Variants in BMPR1A observed in about 807,000 individuals in gnomAD.
BMPR1A encodes bone morphogenetic protein receptor type 1A, also known as bone morphogenetic protein receptor type-1A.
A neutral mutation model predicts 66.0 loss-of-function variants in BMPR1A; 7 were observed. The observed-to-expected ratio is 0.11, with a 90% confidence interval of 0.06 to 0.20. The LOEUF (loss-of-function observed/expected upper bound fraction) is 0.20, where lower values mean the gene tolerates loss of function less well. BMPR1A is among the 10% of genes least tolerant of loss of function. The pLI is 1.00. For missense variants in BMPR1A, 408 were observed against 669.1 expected (o/e 0.61, Z 4.31); for synonymous variants, 200 against 229.7 (o/e 0.87, Z 1.17).
At chr10:86,767,611 G>C (rs1236571850) in intron 1 of BMPR1A, among the ~76,000 whole-genome samples, 3 of 152,122 alleles carry the variant, frequency 2.0e-5, no homozygotes, top group Non-Finnish European at 4.4e-5. Context: ...CCAGGAGTTC[G>C]AGACTGCAGT....
At chr10:86,903,290 T>C (rs904837164) in intron 7 of BMPR1A, among the ~76,000 whole-genome samples, 15 of 152,196 alleles carry the variant, frequency 9.9e-5, no homozygotes, top group African/African-American at 3.6e-4. Context: ...AAAATAGTTA[T>C]TATAACTGTA....
chr10:86,827,381 T>G (rs1436419097), intron 1 of BMPR1A, among the ~76,000 whole-genome samples: 2 of 152,232 alleles, frequency 1.3e-5, no homozygotes, highest in Non-Finnish European at 2.9e-5. Flanking sequence ...CTATTTGATA[T>G]AATATTCCAA....
At chr10:86,855,457 A>G (rs1270673866) in intron 2 of BMPR1A, 2 of 601,510 alleles carry the variant, frequency 3.3e-6, no homozygotes, top group Non-Finnish European at 6.0e-6. Flanking sequence ...GTTATTTCTG[A>G]CCTACTGTAT....
At chr10:86,931,440 A>G (rs1419637322), downstream of BMPR1A, 2 of 136,136 alleles carry the variant, frequency 1.5e-5, no homozygotes, top group Non-Finnish European at 3.0e-5. Flanking sequence ...AATGCAGGTC[A>G]GTGTTGAAAA....
intron 1 of BMPR1A, among the ~76,000 whole-genome samples, chr10:86,820,307 T>G (rs1475437138): frequency 2.0e-5 from 3 of 152,126 alleles, no homozygotes; most frequent in Non-Finnish European, 4.4e-5. Context: ...CCTCCCAAAG[T>G]GTTGGGATTA....
At chr10:86,876,908 A>C (rs916251275) in intron 3 of BMPR1A, among the ~76,000 whole-genome samples, 4 of 152,208 alleles carry the variant, frequency 2.6e-5, no homozygotes, top group Non-Finnish European at 5.9e-5. Flanking sequence ...TAATTTTGCT[A>C]CTATGTGTTC....
intron 1 of BMPR1A, among the ~76,000 whole-genome samples, chr10:86,790,175 AAAAAAAAAAAAAAATATATATATATAT>A (rs1841582862): frequency 2.4e-5 from 1 of 41,118 alleles, no homozygotes; most frequent in African/African-American, 1.1e-4. Context: ...AAAAAAAAAA[AAAAAAAAAAAAAAATATATATATATAT>A]ATATATATAT....
At position 86,890,186 on chromosome 10, in the gene BMPR1A, A is replaced by C; in HGVS notation, c.192A>C (p.Ser64=). ...TGCCTTTTTTAAAGTGCTATTGCTC[A>C]GGGCACTGTCCAGATGATGCTATTA... ...DTLPFLKCYC[S]GHCPDDAINN... Residue 64 remains serine, a synonymous_variant, in exon 4 of 13, where the codon TCA becomes TCC. Coordinates refer to ENST00000372037, the MANE Select transcript of BMPR1A (RefSeq NM_004329.3). 2.5e-6 allele frequency: 4 copies of C among 1,614,198 alleles called. No individual in the cohort carries two copies. The highest frequency in any genetic ancestry group is 3.4e-6 in the Non-Finnish European group (4 of 1,180,022).
intron 1 of BMPR1A, among the ~76,000 whole-genome samples, chr10:86,809,185 A>G (rs932439725): frequency 1.3e-5 from 2 of 152,170 alleles, no homozygotes; most frequent in Non-Finnish European, 2.9e-5. Context: ...TACCATCTTA[A>G]CCATTTTAAA....
rs187694232 is a variant in BMPR1A, at chr10:86,764,860, A to G, written c.-268+7941A>G. On this transcript the variant is annotated intron_variant, in intron 1 of 12. Transcript: ENST00000372037. The stretch of plus-strand genomic sequence containing the variant: ...ACCAAAAGATGTAAAATATCTCATT[A>G]TGCTTTTAAAATATTGGTTATATAG... 3.0e-4 allele frequency among the ~76,000 whole-genome samples: 45 copies of G among 152,346 alleles called. No individual in the cohort carries two copies. In the East Asian group the frequency reaches 7.1e-3, roughly 24 times the overall value.
At chr10:86,776,254 A>G (rs1184407050) in intron 1 of BMPR1A, among the ~76,000 whole-genome samples, 1 of 152,160 alleles carries the variant, frequency 6.6e-6, no homozygotes, top group Non-Finnish European at 1.5e-5. Flanking sequence ...CCTAATTTTT[A>G]GATGCTGATG....
At chr10:86,834,055 G>C (rs1372361582) in intron 1 of BMPR1A, among the ~76,000 whole-genome samples, 2 of 152,172 alleles carry the variant, frequency 1.3e-5, no homozygotes, top group Non-Finnish European at 2.9e-5. Flanking sequence ...CTGGGAGCAT[G>C]TGTTTTTACC....
chr10:86,908,336 T>G (rs1197905600), intron 7 of BMPR1A, among the ~76,000 whole-genome samples: 1 of 152,216 alleles, frequency 6.6e-6, no homozygotes, highest in Admixed American at 6.5e-5. Flanking sequence ...TGTACAACTA[T>G]TATACATCAG....
intron 2 of BMPR1A, chr10:86,854,823 C>A: frequency 4.0e-6 from 1 of 252,724 alleles, no homozygotes; most frequent in Non-Finnish European, 8.3e-6. Context: ...ATGGCTGTAT[C>A]TGAGCACCTA....
intron 2 of BMPR1A, chr10:86,855,431 T>C: frequency 1.5e-6 from 1 of 666,804 alleles, no homozygotes; most frequent in South Asian, 2.1e-5. Context: ...TCCATACTTT[T>C]CTTATGCCTA....
At chr10:86,758,822 CCTTTTT>C (rs1469684146) in intron 1 of BMPR1A, among the ~76,000 whole-genome samples, 2 of 152,170 alleles carry the variant, frequency 1.3e-5, no homozygotes, top group East Asian at 3.8e-4. Context: ...CATTTAACTA[CCTTTTT>C]CTAAGTCCTC....
intron 1 of BMPR1A, among the ~76,000 whole-genome samples, chr10:86,815,565 C>G (rs1842026113): frequency 6.6e-6 from 1 of 152,154 alleles, no homozygotes. Flanking sequence ...ATGGAAGAAG[C>G]AAATCAGTCT....
At chr10:86,808,699 A>C (rs1841925134) in intron 1 of BMPR1A, among the ~76,000 whole-genome samples, 1 of 152,224 alleles carries the variant, frequency 6.6e-6, no homozygotes, top group South Asian at 2.1e-4. Flanking sequence ...ACTGATTTTA[A>C]ACTGTGAAGT....
chr10:86,765,822 T>A (rs1266696804), intron 1 of BMPR1A, among the ~76,000 whole-genome samples: 1 of 152,176 alleles, frequency 6.6e-6, no homozygotes, highest in African/African-American at 2.4e-5. Flanking sequence ...ATTGCCACTG[T>A]TGAAAGTATA....
Sources: gnomAD v4.1 joint callset for allele counts (sites outside exome capture counted in the v4.1 genomes callset) on GRCh38, gnomAD v4.1.1 for gene constraint, MANE v1.5 for transcripts, NCBI Gene and HGNC (gene_info 2026-07-23, HGNC 2026-07-21) for gene names.